Variants in MGAT5 observed in about 807,000 individuals in gnomAD.
MGAT5 encodes the protein alpha-1,6-mannosylglycoprotein 6-beta-N-acetylglucosaminyltransferase A.
In MGAT5, 30 loss-of-function variants were observed where a neutral mutation model predicts 94.3. The observed-to-expected ratio is 0.32, with a 90% confidence interval of 0.24 to 0.43. The LOEUF (loss-of-function observed/expected upper bound fraction) is 0.43. Among genes scored for constraint, MGAT5 ranks in the 20% least tolerant of loss-of-function variants. The pLI, the probability that MGAT5 is intolerant of heterozygous loss-of-function variation, is 1.00. For synonymous variants in MGAT5, 310 were observed against 322.9 expected (o/e 0.96, Z 0.43); for missense variants, 691 against 905.5 (o/e 0.76, Z 3.04).
At chr2:134,343,596 T>C (rs1688750790) in intron 7 of MGAT5, among the ~76,000 whole-genome samples, 1 of 152,202 alleles carries the variant, frequency 6.6e-6, no homozygotes, top group Non-Finnish European at 1.5e-5. Context: ...AAAAATCCCA[T>C]AGACCATGCC....
intron 2 of MGAT5, among the ~76,000 whole-genome samples, chr2:134,296,684 T>C (rs980242975): frequency 2.0e-5 from 3 of 152,164 alleles, no homozygotes; most frequent in Admixed American, 1.3e-4. Flanking sequence ...AACCTCTCTT[T>C]CTTCTGTTAT....
intron 1 of MGAT5, among the ~76,000 whole-genome samples, chr2:134,202,247 C>A (rs2105286969): frequency 6.6e-6 from 1 of 152,320 alleles, no homozygotes; most frequent in Middle Eastern, 3.4e-3. Context: ...TAATCCCCAA[C>A]CTGATAGTGT....
intron 1 of MGAT5, among the ~76,000 whole-genome samples, chr2:134,256,354 A>G (rs1043010153): frequency 4.6e-5 from 7 of 152,240 alleles, no homozygotes; most frequent in African/African-American, 1.4e-4. Flanking sequence ...TGCAGTTTTA[A>G]AGTTTCTGGT....
chr2:134,149,206 G>A (rs570725215), intron 1 of MGAT5, among the ~76,000 whole-genome samples: 1 of 152,304 alleles, frequency 6.6e-6, no homozygotes, highest in East Asian at 1.9e-4. Flanking sequence ...GCCCAGGCAA[G>A]TTGCTTATCC....
At chr2:134,299,971 T>A (rs1036174932) in intron 2 of MGAT5, among the ~76,000 whole-genome samples, 2 of 152,196 alleles carry the variant, frequency 1.3e-5, no homozygotes, top group African/African-American at 4.8e-5. Flanking sequence ...TTTTGTCATA[T>A]CATTATAGAA....
intron 1 of MGAT5, among the ~76,000 whole-genome samples, chr2:134,149,815 A>G (rs1177248108): frequency 1.3e-5 from 2 of 152,180 alleles, no homozygotes; most frequent in African/African-American, 4.8e-5. Context: ...TATCACCTCT[A>G]AGGCTGAGGG....
At chr2:134,128,278 A>T (rs1385784287) in intron 1 of MGAT5, among the ~76,000 whole-genome samples, 1 of 152,000 alleles carries the variant, frequency 6.6e-6, no homozygotes, top group Non-Finnish European at 1.5e-5. Context: ...AGAGAGAGAG[A>T]GAAAGAAGAA....
At chr2:134,135,082 T>A (rs1686344567) in intron 1 of MGAT5, among the ~76,000 whole-genome samples, 1 of 152,238 alleles carries the variant, frequency 6.6e-6, no homozygotes, top group African/African-American at 2.4e-5. Context: ...ATGGCTCCAT[T>A]ATGTCTTTTA....
At chr2:134,349,527 A>T (rs1679228889) in intron 8 of MGAT5, among the ~76,000 whole-genome samples, 1 of 152,182 alleles carries the variant, frequency 6.6e-6, no homozygotes, top group Non-Finnish European at 1.5e-5. Flanking sequence ...AAGCTTTCAT[A>T]GAACTTTTTA....
intron 2 of MGAT5, among the ~76,000 whole-genome samples, chr2:134,303,415 C>T (rs900824871): frequency 6.6e-6 from 1 of 152,104 alleles, no homozygotes; most frequent in African/African-American, 2.4e-5. Context: ...CTGAAGAGTA[C>T]TGATTTTTTT....
intron 1 of MGAT5, among the ~76,000 whole-genome samples, chr2:134,185,401 G>A (rs564403802): frequency 2.6e-5 from 4 of 152,242 alleles, no homozygotes; most frequent in South Asian, 2.1e-4. Flanking sequence ...AATGCTTGAC[G>A]TTGAGCTGAT....
At chr2:134,347,196 A>G (rs527578460) in intron 8 of MGAT5, among the ~76,000 whole-genome samples, 1 of 152,348 alleles carries the variant, frequency 6.6e-6, no homozygotes, top group Admixed American at 6.5e-5. Context: ...CAAACCTTCC[A>G]TGTCATAGAC....
chr2:134,166,356 T>C (rs1199605820), intron 1 of MGAT5, among the ~76,000 whole-genome samples: 2 of 152,234 alleles, frequency 1.3e-5, no homozygotes, highest in African/African-American at 2.4e-5. Context: ...CTGACTTTTA[T>C]TCTCTTCCTC....
At chr2:134,226,353 C>T (rs1054773877) in intron 1 of MGAT5, among the ~76,000 whole-genome samples, 4 of 152,148 alleles carry the variant, frequency 2.6e-5, no homozygotes, top group Admixed American at 2.0e-4. Context: ...CCTTTTTGTC[C>T]ATAAGTATGG....
At chr2:134,327,612 A>G (rs1321186801) in intron 4 of MGAT5, among the ~76,000 whole-genome samples, 1 of 152,146 alleles carries the variant, frequency 6.6e-6, no homozygotes, top group Non-Finnish European at 1.5e-5. Context: ...AGCATTGCGC[A>G]ATTTAAAACT....
chr2:134,307,859 G>T (rs1257518745), intron 2 of MGAT5, among the ~76,000 whole-genome samples: 1 of 152,142 alleles, frequency 6.6e-6, no homozygotes, highest in Non-Finnish European at 1.5e-5. Flanking sequence ...AGCTGTGGCT[G>T]CCTTTTAGAA....
chr2:134,402,602 A>T (rs143479827), intron 10 of MGAT5, among the ~76,000 whole-genome samples: 4 of 152,298 alleles, frequency 2.6e-5, no homozygotes, highest in African/African-American at 9.6e-5. Context: ...TCCTTCCCCA[A>T]ACTTCCTCTC....
At chr2:134,446,541 C>T (rs187113737) in intron 15 of MGAT5, among the ~76,000 whole-genome samples, 7 of 152,268 alleles carry the variant, frequency 4.6e-5, no homozygotes, top group Admixed American at 4.6e-4. Context: ...TGTTGTCCAG[C>T]TGAGGTATTC....
chr2:134,135,918 AG>A (rs144023035), intron 1 of MGAT5, among the ~76,000 whole-genome samples: 4,045 of 152,150 alleles, frequency 0.027, 189 homozygotes, highest in African/African-American at 0.093. Flanking sequence ...CAGGAATGGA[AG>A]GTAAAATTAG....
Sources: allele counts gnomAD v4.1 joint callset (sites outside exome capture counted in the v4.1 genomes callset), GRCh38; gene constraint gnomAD v4.1.1; transcripts MANE v1.5; gene names NCBI Gene and HGNC (gene_info 2026-07-23, HGNC 2026-07-21).